PSMA8: variants seen among roughly 807,000 people sequenced by gnomAD.
PSMA8 encodes proteasome subunit alpha-type 8.
A neutral mutation model predicts 32.4 loss-of-function variants in PSMA8; 18 were observed. The observed-to-expected ratio is 0.56, with a 90% confidence interval of 0.38 to 0.82. The LOEUF (loss-of-function observed/expected upper bound fraction) is 0.82. Ranked by LOEUF, PSMA8 falls within the 40% of genes least tolerant of loss-of-function variation. The pLI is 0.00. For missense variants in PSMA8, 298 were observed against 300.7 expected, an observed-to-expected ratio of 0.99 and a Z score of 0.07; for synonymous variants, 104 against 98.1, an observed-to-expected ratio of 1.06 and a Z score of -0.36.
intron 4 of PSMA8, among the ~76,000 whole-genome samples, chr18:26,161,062 C>T (rs1182329133): frequency 6.6e-6 from 1 of 152,208 alleles, no homozygotes; most frequent in African/African-American, 2.4e-5. Context: ...ACAGTAACCC[C>T]TTATTTGCCT....
chr18:26,158,416 C>T (rs1164823348), intron 4 of PSMA8, among the ~76,000 whole-genome samples, 172 bp downstream of exon 4: 1 of 152,142 alleles, frequency 6.6e-6, no homozygotes, highest in Non-Finnish European at 1.5e-5. Flanking sequence ...TAAAGAATCA[C>T]CTTAATTTTG....
At chr18:26,159,381 T>A (rs1009738337) in intron 4 of PSMA8, among the ~76,000 whole-genome samples, 1 of 152,096 alleles carries the variant, frequency 6.6e-6, no homozygotes, top group Non-Finnish European at 1.5e-5. Flanking sequence ...TCTGCCTGAG[T>A]AATCTAATTA....
Position 26,144,035 on chromosome 18 carries a change from GT to G in PSMA8, c.103-519del, listed in dbSNP as rs1435184473. Among the ~76,000 whole-genome samples the G allele has an allele frequency of 2.6e-5, 4 of 152,134 alleles. No individual in the cohort carries two copies. The East Asian group carries it at 7.7e-4, about 29-fold the overall frequency. On this transcript the variant is annotated intron_variant, in intron 1 of 6. Transcript: ENST00000415576. ...CACCGTGCCCAGCCTTATCATACTT[GT>G]TTTTGTTAGTGTTTGTTATATATAC... is the stretch of plus-strand genomic sequence containing the variant.
At chr18:26,145,996 T>A (rs2054999889) in intron 2 of PSMA8, among the ~76,000 whole-genome samples, 1 of 152,218 alleles carries the variant, frequency 6.6e-6, no homozygotes, top group Non-Finnish European at 1.5e-5. Flanking sequence ...TCATTTGCTC[T>A]GTGTTATCAG....
chr18:26,179,823 G>A (rs937769191), intron 6 of PSMA8, among the ~76,000 whole-genome samples: 11 of 151,676 alleles, frequency 7.3e-5, no homozygotes, highest in Non-Finnish European at 1.5e-4. Context: ...GGCAGTGTAC[G>A]CCTGTAATCC....
chr18:26,150,602 A>C (rs1260886862), intron 2 of PSMA8, among the ~76,000 whole-genome samples: 2 of 152,136 alleles, frequency 1.3e-5, no homozygotes, highest in Non-Finnish European at 2.9e-5. Flanking sequence ...ATTAAATGTA[A>C]ATTTTAATTG....
chr18:26,180,041 A>G (rs957706646), intron 6 of PSMA8, among the ~76,000 whole-genome samples: 7 of 152,092 alleles, frequency 4.6e-5, no homozygotes, highest in Non-Finnish European at 1.0e-4. Flanking sequence ...ACTTGAGGTC[A>G]GGAGTTCAAG....
chr18:26,150,705 A>C (rs576068625), intron 2 of PSMA8, among the ~76,000 whole-genome samples: 1 of 152,244 alleles, frequency 6.6e-6, no homozygotes, highest in Non-Finnish European at 1.5e-5. Context: ...TATGTTGCTC[A>C]TATACTTTGA....
At chr18:26,162,973 C>A (rs1302940363) in intron 4 of PSMA8, among the ~76,000 whole-genome samples, 1 of 151,810 alleles carries the variant, frequency 6.6e-6, no homozygotes, top group African/African-American at 2.4e-5. Flanking sequence ...TGTTATAGTG[C>A]AGGATTCCCA....
rs550193783 is a variant in PSMA8 at position 26,184,510 on chromosome 18, C to T, written c.660+5380C>T. 1.2e-4 allele frequency among the ~76,000 whole-genome samples: 18 copies of T among 149,782 alleles called. 2 individuals carry two copies. Among genetic ancestry groups the T allele is most frequent in the African/African-American group, 4.0e-4 (16 of 40,498 alleles). On this transcript the variant is annotated intron_variant, in intron 6 of 6. Transcript: ENST00000415576. Reference sequence around the variant, plus strand: ...GTTTTTGGCCGGGCGCGGTGGCTCACGCTTGCAATCTCAGCACTTTGGGAG... The same window carrying T: ...GTTTTTGGCCGGGCGCGGTGGCTCATGCTTGCAATCTCAGCACTTTGGGAG...
chr18:26,163,604 A>G (rs1238534082), intron 4 of PSMA8, among the ~76,000 whole-genome samples: 1 of 152,232 alleles, frequency 6.6e-6, no homozygotes, highest in Non-Finnish European at 1.5e-5. Flanking sequence ...TGACTACGCT[A>G]CAGCAAGTCA....
intron 4 of PSMA8, among the ~76,000 whole-genome samples, chr18:26,159,156 T>TAAA: frequency 6.6e-6 from 1 of 152,318 alleles, no homozygotes; most frequent in South Asian, 2.1e-4. Context: ...TTTAAATAGT[T>TAAA]TTCTACAAAG....
chr18:26,184,715 G>A (rs938965761), intron 6 of PSMA8, among the ~76,000 whole-genome samples: 4 of 146,404 alleles, frequency 2.7e-5, no homozygotes, highest in South Asian at 2.1e-4. Context: ...CAAAGGTTGC[G>A]ATGTGTCGAG....
intron 3 of PSMA8, among the ~76,000 whole-genome samples, chr18:26,152,799 A>G (rs964112385): frequency 3.3e-5 from 5 of 150,540 alleles, no homozygotes; most frequent in Non-Finnish European, 7.3e-5. Flanking sequence ...TTAATCTTTT[A>G]TAATTATACC....
At chr18:26,179,296 G>A (rs1334448154) in intron 6 of PSMA8, among the ~76,000 whole-genome samples, 166 bp downstream of exon 6, 2 of 139,068 alleles carry the variant, frequency 1.4e-5, no homozygotes, top group African/African-American at 5.2e-5. Context: ...TGTTTTTTGT[G>A]TTTTTTTTTT....
At chr18:26,164,726 G>A (rs548772547) in intron 4 of PSMA8, among the ~76,000 whole-genome samples, 46 of 152,256 alleles carry the variant, frequency 3.0e-4, no homozygotes, top group African/African-American at 1.1e-3. Flanking sequence ...CTGGATGTGG[G>A]AAAAACAGAT....
At chr18:26,172,442 AC>A (rs1250987274) in intron 4 of PSMA8, among the ~76,000 whole-genome samples, 1 of 152,228 alleles carries the variant, frequency 6.6e-6, no homozygotes, top group Non-Finnish European at 1.5e-5. Context: ...TTCTTTGTTT[AC>A]AAAAACAGGG....
chr18:26,165,312 G>A (rs1285245248), intron 4 of PSMA8, among the ~76,000 whole-genome samples: 2 of 152,198 alleles, frequency 1.3e-5, no homozygotes, highest in Non-Finnish European at 2.9e-5. Context: ...GCGTGCGCAC[G>A]CATGCACCCA....
chr18:26,180,547 G>C (rs1360230857), intron 6 of PSMA8, among the ~76,000 whole-genome samples: 1 of 152,158 alleles, frequency 6.6e-6, no homozygotes, highest in African/African-American at 2.4e-5. Context: ...GCTGAGCACA[G>C]AGTGTGGAAA....
Sources: allele counts gnomAD v4.1 joint callset (sites outside exome capture counted in the v4.1 genomes callset), GRCh38; gene constraint gnomAD v4.1.1; transcripts MANE v1.5; gene names NCBI Gene and HGNC (gene_info 2026-07-23, HGNC 2026-07-21).